Variants in FAM186A observed in about 807,000 individuals in gnomAD.
FAM186A encodes the protein protein FAM186A.
A neutral mutation model predicts 216.8 loss-of-function variants in FAM186A; 163 were observed. The ratio of observed to expected loss-of-function variants is 0.75; its 90% CI spans 0.66 to 0.86. The LOEUF is 0.86. Among genes scored for constraint, FAM186A ranks in the 40% least tolerant of loss-of-function variants. The probability of loss-of-function intolerance (pLI) is 0.00; values close to 1 mark genes in which losing one functional copy is unlikely to be tolerated. For synonymous variants in FAM186A, 805 were observed against 1,025.3 expected (o/e 0.79, Z 4.10); for missense variants, 2,184 against 2,746.2 (o/e 0.80, Z 4.58).
Position 50,350,408 on chromosome 12 carries a change from C to T in FAM186A, c.6424G>A (p.Glu2142Lys). ...LHTMARTLII[E>K]ILHMDTVQLG... ...TGAACTGTGTCCATATGAAGTATCTCAATTATGAGAGTCCTAGCCATTGTG... is the reference window on the plus strand; with the variant it reads ...TGAACTGTGTCCATATGAAGTATCTTAATTATGAGAGTCCTAGCCATTGTG... Residue 2142 changes from glutamate (E) to lysine (K), a missense_variant, in exon 4 of 8, where the codon GAG becomes AAG. Glu to Lys is a moderately conservative substitution (Grantham distance 56, BLOSUM62 1). Transcript: ENST00000327337. The T allele has an allele frequency of 6.4e-7, 1 of 1,551,330 alleles. No individual in the cohort carries two copies. The highest frequency in any genetic ancestry group is 8.7e-7 in the Non-Finnish European group (1 of 1,146,930).
At position 50,353,067 on chromosome 12, in the gene FAM186A, G is replaced by A. The variant is rs1457934203; in HGVS notation, c.3765C>T (p.Leu1255=). 3 of 1,538,792 alleles carry A rather than the reference G, an allele frequency of 1.9e-6. No homozygotes were observed. Among genetic ancestry groups the A allele is most frequent in the Non-Finnish European group, 1.8e-6 (2 of 1,140,050 alleles). The change falls in exon 4 of 8, where the codon CTC becomes CTT. Residue 1255 remains leucine (L), a synonymous_variant. Transcript: ENST00000327337. ...CCAGTTCCTGAACCTGCTTAGGGGTGAGAGTGATTCCGAGAGCCTGCGCCT... is the reference window on the plus strand; with the variant it reads ...CCAGTTCCTGAACCTGCTTAGGGGTAAGAGTGATTCCGAGAGCCTGCGCCT... ...PQQAQALGIT[L]TPKQVQELGI...
Position 50,354,489 on chromosome 12 carries a change from A to T in FAM186A, c.2343T>A (p.Tyr781Ter). Residue 781 changes from tyrosine (Y) to a stop codon, truncating the protein, a stop_gained, in exon 4 of 8, where the codon TAT becomes TAA. Transcript: ENST00000327337. LOFTEE classifies it high-confidence loss of function. ...AKSESSTLLS[Y>*]ESTDPVINNL... Reference sequence around the variant, plus strand: ...TGTTAATTACTGGATCTGTGCTCTCATATGAGAGGAGGGTACTGCTTTCAG... The same window carrying T: ...TGTTAATTACTGGATCTGTGCTCTCTTATGAGAGGAGGGTACTGCTTTCAG... 6.4e-7 allele frequency: 1 copy of T among 1,551,662 alleles called. No homozygotes were observed. Among genetic ancestry groups the T allele is most frequent in the African/African-American group, 1.4e-5 (1 of 73,168 alleles).
chr12:50,377,623 A>T (rs910985935), intron 1 of FAM186A, among the ~76,000 whole-genome samples: 1 of 151,200 alleles, frequency 6.6e-6, no homozygotes, highest in Non-Finnish European at 1.5e-5. Context: ...ACCTGAGGTC[A>T]GGAGTTGGAG....
At chr12:50,343,172 G>A (rs138813058) in intron 4 of FAM186A, among the ~76,000 whole-genome samples, 1 of 151,904 alleles carries the variant, frequency 6.6e-6, no homozygotes, top group Non-Finnish European at 1.5e-5. Context: ...CAGTGATCAC[G>A]CCACTGCACT....
At chr12:50,357,891 A>G (rs1431592372) in intron 3 of FAM186A, among the ~76,000 whole-genome samples, 1 of 152,016 alleles carries the variant, frequency 6.6e-6, no homozygotes, top group Non-Finnish European at 1.5e-5. Context: ...AGGCAGGAGA[A>G]TCGCTGAACC....
Position 50,354,187 on chromosome 12 carries a change from TGTTTCTG to T in FAM186A, c.2638_2644del (p.Gln880SerfsTer51), listed in dbSNP as rs1392141970. ...CTTCCACATCTCTTCTTCCTGCCACTGTTTCTGGCTCTGTTGTTCTTGCTTTCCCTCC... is the reference window on the plus strand; with the variant it reads ...CTTCCACATCTCTTCTTCCTGCCACTGCTCTGTTGTTCTTGCTTTCCCTCC... On this transcript the variant is annotated frameshift_variant, in exon 4 of 8. Transcript: ENST00000327337. LOFTEE classifies it high-confidence loss of function. 1.9e-6 allele frequency: 3 copies of T among 1,551,640 alleles called. No homozygotes were observed. Among genetic ancestry groups the T allele is most frequent in the Non-Finnish European group, 2.6e-6 (3 of 1,147,022 alleles).
intron 1 of FAM186A, among the ~76,000 whole-genome samples, chr12:50,390,079 T>C (rs971780439): frequency 6.6e-5 from 10 of 152,298 alleles, no homozygotes; most frequent in Non-Finnish European, 1.5e-4. Flanking sequence ...TTGGACCTTG[T>C]GAAATAACCA....
intron 1 of FAM186A, among the ~76,000 whole-genome samples, chr12:50,372,286 A>T (rs964592861): frequency 4.6e-5 from 7 of 152,012 alleles, no homozygotes; most frequent in African/African-American, 1.7e-4. Context: ...CAACTAATAC[A>T]TAGTATGGTG....
At chr12:50,342,908 A>T (rs2138765879) in intron 4 of FAM186A, among the ~76,000 whole-genome samples, 1 of 150,206 alleles carries the variant, frequency 6.7e-6, no homozygotes, top group African/African-American at 2.5e-5. Flanking sequence ...AATAGCTGGG[A>T]CTACAGGTGC....
chr12:50,356,969 A>G (rs1285604131), intron 3 of FAM186A, among the ~76,000 whole-genome samples: 1 of 152,142 alleles, frequency 6.6e-6, no homozygotes, highest in Non-Finnish European at 1.5e-5. Context: ...ACTGCACTCA[A>G]GCCTGGGTAA....
intron 1 of FAM186A, among the ~76,000 whole-genome samples, chr12:50,382,778 T>G (rs1235912874): frequency 2.0e-5 from 3 of 152,136 alleles, no homozygotes; most frequent in Non-Finnish European, 4.4e-5. Context: ...TTCCAAGTAA[T>G]TTTTACAGAA....
intron 2 of FAM186A, 64 bp downstream of exon 2, chr12:50,363,081 A>G (rs1466416347): frequency 1.5e-6 from 2 of 1,310,818 alleles, no homozygotes; most frequent in East Asian, 2.5e-5. Flanking sequence ...AAATTTACTT[A>G]TATATTCTCT....
At chr12:50,376,190 C>T (rs376435195) in intron 1 of FAM186A, among the ~76,000 whole-genome samples, 2 of 152,292 alleles carry the variant, frequency 1.3e-5, no homozygotes, top group Admixed American at 1.3e-4. Flanking sequence ...TTCACTCACA[C>T]GGTCCGGGGG....
intron 1 of FAM186A, among the ~76,000 whole-genome samples, chr12:50,367,334 C>T (rs1034668630): frequency 4.6e-5 from 7 of 151,568 alleles, no homozygotes; most frequent in Non-Finnish European, 7.4e-5. Flanking sequence ...CTGGCTAACA[C>T]TGTGAAACCC....
chr12:50,379,502 A>G (rs1943234617), intron 1 of FAM186A, among the ~76,000 whole-genome samples: 1 of 147,122 alleles, frequency 6.8e-6, no homozygotes, highest in African/African-American at 2.5e-5. Context: ...AAACTAAAGC[A>G]CAGGCCGGGC....
At position 50,350,486 on chromosome 12, in the gene FAM186A, G is replaced by T. The variant is rs1205587237; in HGVS notation, c.6346C>A (p.Leu2116Met). 1 of 1,551,608 alleles carries T rather than the reference G, an allele frequency of 6.4e-7. No individual in the cohort carries two copies. The highest frequency in any genetic ancestry group is 8.7e-7 in the Non-Finnish European group (1 of 1,146,980). The change falls in exon 4 of 8, where the codon CTG becomes ATG. Residue 2116 changes from leucine to methionine, a missense_variant. Leu to Met is a conservative substitution (Grantham distance 15, BLOSUM62 2). Around this residue, in one of 7 missense-constraint regions of FAM186A, gnomAD observed 721 missense variants for 816.4 expected, o/e 0.88. Coordinates refer to ENST00000327337, the MANE Select transcript of FAM186A (RefSeq NM_001145475.3). ...FVDVEAQKKN[L>M]ILLNQAIKTC... Reference sequence around the variant, plus strand: ...TTTATAGCCTGATTTAATAGTATCAGGTTCTTCTTCTGAGCCTCCACATCA... The same window carrying T: ...TTTATAGCCTGATTTAATAGTATCATGTTCTTCTTCTGAGCCTCCACATCA...
At chr12:50,331,854 C>A in intron 5 of FAM186A, 33 bp from the exon 6 acceptor site, 1 of 1,491,448 alleles carries the variant, frequency 6.7e-7, no homozygotes, top group Non-Finnish European at 8.9e-7. Flanking sequence ...AAAAGGAAAC[C>A]ATGAAAAGAG....
chr12:50,365,893 A>G lies in FAM186A; in HGVS notation c.193-2529T>C, dbSNP rs1021166601. 46 of 762,894 alleles carry G rather than the reference A, an allele frequency of 6.0e-5. No homozygotes were observed. In the African/African-American group the frequency reaches 6.1e-4, roughly 10 times the overall value. 47.3% of individuals were successfully genotyped at this position (762,894 alleles called of 1,614,324 possible). The stretch of plus-strand genomic sequence containing the variant: ...GTTTACAGGAAGAAATATATTATCT[A>G]CATTGAACGGGTGCAGTGGAAAAAG... On this transcript the variant is annotated intron_variant, in intron 1 of 7. Coordinates refer to ENST00000327337, the MANE Select transcript of FAM186A (RefSeq NM_001145475.3).
In FAM186A at chr12:50,387,499, G is replaced by A. The variant is rs570637707; in HGVS notation, c.192+8794C>T. 7.1e-4 allele frequency among the ~76,000 whole-genome samples: 108 copies of A among 152,316 alleles called. No individual in the cohort carries two copies. In the South Asian group the frequency reaches 7.3e-3, roughly 10 times the overall value. On this transcript the variant is annotated intron_variant, in intron 1 of 7. Transcript: ENST00000327337. ...AGAAAAACAGCACTCTCAATAAAGAGAGGGAGATCTTCCCAGAGGAAAAGA... is the reference window on the plus strand; with the variant it reads ...AGAAAAACAGCACTCTCAATAAAGAAAGGGAGATCTTCCCAGAGGAAAAGA...
Sources: gnomAD v4.1 joint callset for allele counts (sites outside exome capture counted in the v4.1 genomes callset) on GRCh38, gnomAD v4.1.1 for gene constraint, gnomAD v4.1.1 regional missense constraint, MANE v1.5 for transcripts, NCBI Gene and HGNC (gene_info 2026-07-23, HGNC 2026-07-21) for gene names.